The following FAM120A variants were observed in gnomAD, a reference collection of about 807,000 sequenced individuals.
FAM120A encodes the protein constitutive coactivator of PPAR-gamma-like protein 1.
A neutral mutation model predicts 109.7 loss-of-function variants in FAM120A; 15 were observed. That is an observed-to-expected ratio of 0.14 (90% CI 0.09 to 0.21). The LOEUF is 0.21. Ranked by LOEUF, FAM120A falls within the 10% of genes least tolerant of loss-of-function variation. The probability of loss-of-function intolerance (pLI) is 1.00; values close to 1 mark genes in which losing one functional copy is unlikely to be tolerated. For synonymous variants in FAM120A, 493 were observed against 572.8 expected, an observed-to-expected ratio of 0.86 and a Z score of 1.99; for missense variants, 899 against 1,439.3, an observed-to-expected ratio of 0.62 and a Z score of 6.07.
intron 1 of FAM120A, among the ~76,000 whole-genome samples, chr9:93,463,467 T>A (rs866386440): frequency 6.6e-6 from 1 of 152,236 alleles, no homozygotes; most frequent in Middle Eastern, 3.2e-3. Context: ...TGTCATAACA[T>A]TTAAATTGCC....
chr9:93,476,707 C>CAT (rs1488853274), intron 3 of FAM120A, among the ~76,000 whole-genome samples: 8 of 152,108 alleles, frequency 5.3e-5, no homozygotes, highest in African/African-American at 1.9e-4. Flanking sequence ...AACATCTTTG[C>CAT]ATAGTTGATA....
intron 7 of FAM120A, among the ~76,000 whole-genome samples, chr9:93,525,896 A>T (rs1588882075): frequency 6.6e-6 from 1 of 152,248 alleles, no homozygotes; most frequent in Non-Finnish European, 1.5e-5. Flanking sequence ...CATGGCGTGC[A>T]TGCAGTATCC....
At chr9:93,505,518 A>G (rs151154461) in intron 5 of FAM120A, among the ~76,000 whole-genome samples, 51 of 152,290 alleles carry the variant, frequency 3.3e-4, no homozygotes, top group African/African-American at 1.2e-3. Flanking sequence ...TTGATATCAG[A>G]GTTCTTAATG....
chr9:93,459,614 G>A (rs1235934072), intron 1 of FAM120A, among the ~76,000 whole-genome samples: 1 of 152,050 alleles, frequency 6.6e-6, no homozygotes, highest in Admixed American at 6.5e-5. Flanking sequence ...TTTCTTGTTT[G>A]GAACTTTCTT....
In FAM120A at chr9:93,453,201, C is replaced by T. The variant is rs1031976873; in HGVS notation, c.474+812C>T. 3.6e-5 allele frequency: 36 copies of T among 1,004,180 alleles called. No homozygotes were observed. The African/African-American group carries it at 5.9e-4, about 17-fold the overall frequency. The allele number at this position is 1,004,180 out of a possible 1,614,324, so 62.2% of individuals were successfully genotyped here. On this transcript the variant is annotated intron_variant, in intron 1 of 17. Coordinates refer to ENST00000277165, the MANE Select transcript of FAM120A (RefSeq NM_014612.5). Reference sequence around the variant, plus strand: ...GCGTGAACTCGCAGGATTTATTTTTCGGGTGCACAGTAAGTATTCAGTGAC... The same window carrying T: ...GCGTGAACTCGCAGGATTTATTTTTTGGGTGCACAGTAAGTATTCAGTGAC...
intron 1 of FAM120A, among the ~76,000 whole-genome samples, chr9:93,464,057 A>G (rs772608695): frequency 1.3e-5 from 2 of 152,224 alleles, no homozygotes; most frequent in African/African-American, 2.4e-5. Context: ...TAAAGTAGGC[A>G]GTGGAGTTCA....
At position 93,498,513 on chromosome 9, in the gene FAM120A, G is replaced by A. The variant is rs1187950420; in HGVS notation, c.934-277G>A. ...TGGGCAGGACCAGAGACCGAGCAGA[G>A]TGGAAGTCAGGGAAGTCCTAGAGCT... On this transcript the variant is annotated intron_variant, in intron 4 of 17. Coordinates refer to ENST00000277165, the MANE Select transcript of FAM120A (RefSeq NM_014612.5). This position sits in a 1 kb window ranked among gnomAD's most constrained non-coding sequence, Gnocchi z 4.4. Among the ~76,000 whole-genome samples the A allele has an allele frequency of 6.6e-6, 1 of 152,242 alleles. No individual in the cohort carries two copies. Among genetic ancestry groups the A allele is most frequent in the Non-Finnish European group, 1.5e-5 (1 of 68,036 alleles).
intron 10 of FAM120A, among the ~76,000 whole-genome samples, chr9:93,542,791 T>C (rs1365691393): frequency 2.6e-5 from 4 of 152,228 alleles, no homozygotes; most frequent in Non-Finnish European, 4.4e-5. Flanking sequence ...ATGAGGGTAT[T>C]TATCCATGTA....
At chr9:93,475,572 C>T (rs1404399535) in intron 2 of FAM120A, among the ~76,000 whole-genome samples, 1 of 152,184 alleles carries the variant, frequency 6.6e-6, no homozygotes, top group Non-Finnish European at 1.5e-5. Flanking sequence ...GTATACCAGG[C>T]ATACGAACAT....
chr9:93,453,753 T>C (rs769602328), intron 1 of FAM120A, among the ~76,000 whole-genome samples: 37 of 152,318 alleles, frequency 2.4e-4, no homozygotes, highest in Admixed American at 1.8e-3. Context: ...TTTTAATTTC[T>C]GAATCGGAGC....
intron 5 of FAM120A, among the ~76,000 whole-genome samples, chr9:93,508,677 T>C (rs986726015): frequency 1.3e-5 from 2 of 152,156 alleles, no homozygotes; most frequent in African/African-American, 4.8e-5. Context: ...TGCCCCTGCT[T>C]TGCTCTTGGG....
intron 5 of FAM120A, among the ~76,000 whole-genome samples, chr9:93,511,791 C>T (rs995273047): frequency 6.6e-6 from 1 of 152,068 alleles, no homozygotes; most frequent in Non-Finnish European, 1.5e-5. Context: ...CAATGTCTGC[C>T]TGTTTATTTA....
rs1857327870 is a variant in FAM120A at position 93,452,787 on chromosome 9, C to A, written c.474+398C>A. 1.3e-6 allele frequency: 2 copies of A among 1,592,668 alleles called. No individual in the cohort carries two copies. Among genetic ancestry groups the A allele is most frequent in the African/African-American group, 1.3e-5 (1 of 74,546 alleles). The stretch of plus-strand genomic sequence containing the variant: ...CCTTTTCTAATTTAGCCTGTTCTTT[C>A]CCAGCAACAGGTTCATCTTGGAAGC... On this transcript the variant is annotated intron_variant, in intron 1 of 17. Coordinates refer to ENST00000277165, the MANE Select transcript of FAM120A (RefSeq NM_014612.5). This position sits in a 1 kb window ranked among gnomAD's most constrained non-coding sequence, Gnocchi z 7.0.
At chr9:93,459,521 G>A (rs1047178593) in intron 1 of FAM120A, among the ~76,000 whole-genome samples, 1 of 152,194 alleles carries the variant, frequency 6.6e-6, no homozygotes, top group Non-Finnish European at 1.5e-5. Context: ...CCCAGGCCTG[G>A]AGGAGTGAAC....
intron 1 of FAM120A, among the ~76,000 whole-genome samples, chr9:93,459,751 G>C (rs986864809): frequency 6.6e-6 from 1 of 152,198 alleles, no homozygotes; most frequent in African/African-American, 2.4e-5. Flanking sequence ...TGTCACAGCT[G>C]GGGGAGGATG....
In FAM120A at chr9:93,529,686, A is replaced by G. The variant is rs762922056; in HGVS notation, c.1734+106A>G. On this transcript the variant is annotated intron_variant, in intron 9 of 17. Coordinates refer to ENST00000277165, the MANE Select transcript of FAM120A (RefSeq NM_014612.5). ...TTTTGAACCATTTTTCTGTCTTACT[A>G]ATCTACTTGAAACAAAGTTCACTTT... The G allele has an allele frequency of 4.3e-6, 4 of 935,408 alleles. No individual in the cohort carries two copies. In the African/African-American group the frequency reaches 4.9e-5, roughly 12 times the overall value. The allele number at this position is 935,408 out of a possible 1,614,324, so 57.9% of individuals were successfully genotyped here. A position where few individuals can be genotyped will look rare whatever the true frequency, so the allele number is the denominator to read the frequency against.
chr9:93,524,543 G>A (rs1361017783), intron 7 of FAM120A, among the ~76,000 whole-genome samples: 1 of 152,208 alleles, frequency 6.6e-6, no homozygotes, highest in Non-Finnish European at 1.5e-5. Context: ...ATCCTATAGT[G>A]CTGGGCTTCC....
At chr9:93,538,491 C>A (rs974105817) in intron 10 of FAM120A, among the ~76,000 whole-genome samples, 2 of 152,162 alleles carry the variant, frequency 1.3e-5, no homozygotes, top group African/African-American at 4.8e-5. Context: ...GAAAGCTCGT[C>A]AAGTATAATA....
chr9:93,534,386 C>T (rs1861440959), intron 10 of FAM120A, among the ~76,000 whole-genome samples: 1 of 152,108 alleles, frequency 6.6e-6, no homozygotes. Flanking sequence ...TGGAGCCATC[C>T]TGTGGCTCCT....
Sources: allele counts gnomAD v4.1 joint callset (sites outside exome capture counted in the v4.1 genomes callset), GRCh38; gene constraint gnomAD v4.1.1; non-coding constraint Gnocchi (gnomAD v3.1); transcripts MANE v1.5; gene names NCBI Gene and HGNC (gene_info 2026-07-23, HGNC 2026-07-21).